The following ALDH16A1 variants were observed in gnomAD, a reference collection of about 807,000 sequenced individuals.
ALDH16A1 encodes aldehyde dehydrogenase family 16 member A1.
In ALDH16A1, 88 loss-of-function variants were observed where a neutral mutation model predicts 96.1. The ratio of observed to expected loss-of-function variants is 0.92; its 90% confidence interval spans 0.77 to 1.09. ALDH16A1 has a LOEUF of 1.09. Ranked by LOEUF, ALDH16A1 falls within the 50% of genes least tolerant of loss-of-function variation. ALDH16A1 has a pLI of 0.00. For synonymous variants in ALDH16A1, 522 were observed against 496.4 expected (o/e 1.05, Z -0.69); for missense variants, 1,250 against 1,112.6 (o/e 1.12, Z -1.76).
At position 49,466,189 on chromosome 19, in the gene ALDH16A1, C is replaced by CGGA; in HGVS notation, c.1846_1848dup (p.Glu616dup). The CGGA allele has an allele frequency of 3.2e-6, 5 of 1,551,084 alleles. No homozygotes were observed. Among genetic ancestry groups the CGGA allele is most frequent in the Non-Finnish European group, 4.3e-6 (5 of 1,150,110 alleles). On this transcript the variant is annotated inframe_insertion, in exon 14 of 17. Transcript: ENST00000293350. ...GCCTCGAGGCTGGAGAGGCAGGGAG[C>CGGA]GGAGCTCAAGGCTGCGGAGGCGGAG...
At chr19:49,469,397 GCAC>G (rs947308638) in intron 16 of ALDH16A1, 6 of 156,306 alleles carry the variant, frequency 3.8e-5, no homozygotes, top group African/African-American at 1.4e-4. Flanking sequence ...CCACAGGCGT[GCAC>G]CACCATGCCC....
rs773155652 is a variant in ALDH16A1 at position 49,465,777 on chromosome 19, C to T, written c.1608C>T (p.Phe536=). 2 of 1,614,106 alleles carry T rather than the reference C, an allele frequency of 1.2e-6. No individual in the cohort carries two copies. The highest frequency in any genetic ancestry group is 8.5e-7 in the Non-Finnish European group (1 of 1,179,974). Residue 536 remains phenylalanine (F), a synonymous_variant, in exon 13 of 17, where the codon TTC becomes TTT. Transcript: ENST00000293350. ...PPYGLFVGGR[F]QAPGARSSRP... ...ATGGGCTCTTCGTTGGGGGCCGTTT[C>T]CAGGCTCCTGGGGCCCGAAGCTCCA...
intron 10 of ALDH16A1, 59 bp downstream of exon 10, chr19:49,464,322 T>C: frequency 6.3e-7 from 1 of 1,588,552 alleles, no homozygotes; most frequent in Non-Finnish European, 8.6e-7. Flanking sequence ...TTCATCTCCC[T>C]TCTCCCTGGG....
chr19:49,455,759 G>A (rs1283293658), intron 1 of ALDH16A1, among the ~76,000 whole-genome samples: 2 of 152,284 alleles, frequency 1.3e-5, no homozygotes, highest in South Asian at 2.1e-4. Flanking sequence ...CATAAAAAGT[G>A]AAGTTGAGAC....
At position 49,453,435 on chromosome 19, in the gene ALDH16A1, C is replaced by A. The variant is rs757060643; in HGVS notation, c.90+14C>A. 3 of 1,518,082 alleles carry A rather than the reference C, an allele frequency of 2.0e-6. No individual in the cohort carries two copies. Among genetic ancestry groups the A allele is most frequent in the African/African-American group, 1.4e-5 (1 of 72,786 alleles). 94.0% of individuals were successfully genotyped at this position (1,518,082 alleles called of 1,614,324 possible). On this transcript the variant is annotated intron_variant, in intron 1 of 16. Coordinates refer to ENST00000293350, the MANE Select transcript of ALDH16A1 (RefSeq NM_153329.4). The stretch of plus-strand genomic sequence containing the variant: ...GCATGCGCACTGGTGAGAGTCTGCC[C>A]GGCCGGCGCTGCTCGCTGCGTTCCC...
rs752975161 is a variant in ALDH16A1 at position 49,458,975 on chromosome 19, G to C, written c.209G>C (p.Ser70Thr). The change falls in exon 3 of 17, where the codon AGT (serine) becomes ACT (threonine). Residue 70 changes from serine to threonine, a missense_variant. By Grantham distance (58) the Ser-to-Thr change is moderately conservative (BLOSUM62 1). Coordinates refer to ENST00000293350, the MANE Select transcript of ALDH16A1 (RefSeq NM_153329.4). ...TTCTCCCCAGGAGAGAACTTGGCCA[G>C]TTGCCTGCAGGCACAGGCCGAGGAT... ...QDPITGENLA[S>T]CLQAQAEDVA... 2 of 1,613,148 alleles carry C rather than the reference G, an allele frequency of 1.2e-6. No individual in the cohort carries two copies. Among genetic ancestry groups the C allele is most frequent in the South Asian group, 2.2e-5 (2 of 91,070 alleles).
In ALDH16A1 at chr19:49,465,915, C is replaced by T; in HGVS notation, c.1736+10C>T. 1 of 1,612,402 alleles carries T rather than the reference C, an allele frequency of 6.2e-7. No homozygotes were observed. The highest frequency in any genetic ancestry group is 8.5e-7 in the Non-Finnish European group (1 of 1,179,190). On this transcript the variant is annotated intron_variant, in intron 13 of 16. Coordinates refer to ENST00000293350, the MANE Select transcript of ALDH16A1 (RefSeq NM_153329.4). ...ACCAGGCTTTCCCTGGGTAAGGGGT[C>T]ACACGGGAAAGCCCAAGGGTCATGG...
intron 12 of ALDH16A1, 48 bp downstream of exon 12, chr19:49,464,810 G>C: frequency 6.2e-7 from 1 of 1,609,606 alleles, no homozygotes; most frequent in East Asian, 2.2e-5. Context: ...GGGGAGAGGG[G>C]AATTGATGCC....
chr19:49,466,704 C>CA (rs2079202368), intron 14 of ALDH16A1, among the ~76,000 whole-genome samples: 1 of 147,328 alleles, frequency 6.8e-6, no homozygotes, highest in African/African-American at 2.5e-5. Flanking sequence ...ACTAAAAATA[C>CA]AAAAAATTAG....
In ALDH16A1 at chr19:49,466,280, G is replaced by A. The variant is rs1275111399; in HGVS notation, c.1935G>A (p.Leu645=). ...GARVQAQGHT[L]QVAGLRGPVL... ...GGGTGCAGGCCCAAGGCCACACCCTGCAGGTGAAGGGTCTGTGGGCACCTG... is the reference window on the plus strand; with the variant it reads ...GGGTGCAGGCCCAAGGCCACACCCTACAGGTGAAGGGTCTGTGGGCACCTG... The change falls in exon 14 of 17, where the codon CTG becomes CTA. Residue 645 remains leucine, a synonymous_variant. Coordinates refer to ENST00000293350, the MANE Select transcript of ALDH16A1 (RefSeq NM_153329.4). The A allele has an allele frequency of 2.1e-6, 3 of 1,450,006 alleles. No homozygotes were observed. Among genetic ancestry groups the A allele is most frequent in the Admixed American group, 5.5e-5 (2 of 36,436 alleles). The allele number at this position is 1,450,006 out of a possible 1,614,324, so 89.8% of individuals were successfully genotyped here. A position where few individuals can be genotyped will look rare whatever the true frequency, so the allele number is the denominator to read the frequency against.
In ALDH16A1 at chr19:49,470,608, G is replaced by T; in HGVS notation, c.*141G>T. On this transcript the variant is annotated 3_prime_UTR_variant, in exon 17 of 17. Transcript: ENST00000293350. ...AACCCTAGCTGTGCTTCTGCGAGAA[G>T]AAAGGGTGTAGCAACTTCTGGCAGA... 1.2e-6 allele frequency: 1 copy of T among 857,608 alleles called. No individual in the cohort carries two copies. Among genetic ancestry groups the T allele is most frequent in the Non-Finnish European group, 1.6e-6 (1 of 625,998 alleles). 53.1% of individuals were successfully genotyped at this position (857,608 alleles called of 1,614,324 possible).
rs1568651591 is a variant in ALDH16A1, at chr19:49,461,813, CAG to C, written c.759+14_759+15del. 2 of 1,608,788 alleles carry C rather than the reference CAG, an allele frequency of 1.2e-6. No individual in the cohort carries two copies. The highest frequency in any genetic ancestry group is 1.3e-5 in the African/African-American group (1 of 74,688). ...CGGAGCCCCGGAGGTACCTTCGGGA[CAG>C]GGGTCGTGGCGGAACGCGGCTGGGG... is the stretch of plus-strand genomic sequence containing the variant. On this transcript the variant is annotated intron_variant, in intron 6 of 16. Transcript: ENST00000293350.
At chr19:49,461,536 G>T (rs1483696477) in intron 5 of ALDH16A1, 83 bp from the exon 6 acceptor site, 1 of 678,790 alleles carries the variant, frequency 1.5e-6, no homozygotes, top group Non-Finnish European at 2.2e-6. Context: ...AGGGAGGAGG[G>T]GCTGGGGGTC....
intron 16 of ALDH16A1, chr19:49,469,434 G>A (rs1225795423): frequency 3.3e-5 from 5 of 153,206 alleles, no homozygotes; most frequent in Non-Finnish European, 7.3e-5. Context: ...CTTTTGCAGA[G>A]ACTGGGGTTT....
intron 16 of ALDH16A1, chr19:49,469,354 A>AC (rs2122429897): frequency 6.2e-6 from 1 of 161,568 alleles, no homozygotes; most frequent in South Asian, 1.6e-4. Flanking sequence ...GGCTCAAGCC[A>AC]CCGTCCCACC....
At position 49,470,301 on chromosome 19, in the gene ALDH16A1, C is replaced by G. The variant is rs770047018; in HGVS notation, c.2248-5C>G. 1 of 1,613,386 alleles carries G rather than the reference C, an allele frequency of 6.2e-7. No homozygotes were observed. The highest frequency in any genetic ancestry group is 8.5e-7 in the Non-Finnish European group (1 of 1,179,752). Reference sequence around the variant, plus strand: ...GTGCTTACCCCCGTCTCTTCCTCCCCTCAGGGTTCCCAGTTTGTCGAGTGG... The same window carrying G: ...GTGCTTACCCCCGTCTCTTCCTCCCGTCAGGGTTCCCAGTTTGTCGAGTGG... On this transcript the variant is annotated splice_polypyrimidine_tract_variant and splice_region_variant and intron_variant, in intron 16 of 16. Transcript: ENST00000293350.
At chr19:49,455,177 G>C (rs1223374789) in intron 1 of ALDH16A1, among the ~76,000 whole-genome samples, 2 of 150,784 alleles carry the variant, frequency 1.3e-5, no homozygotes, top group Non-Finnish European at 2.9e-5. Context: ...CAGCGCTTTG[G>C]GAGGCCGAGG....
At chr19:49,464,090 G>A in intron 9 of ALDH16A1, 37 bp from the exon 10 acceptor site, 1 of 1,597,392 alleles carries the variant, frequency 6.3e-7, no homozygotes, top group Non-Finnish European at 8.5e-7. Flanking sequence ...TGGTGGGTGG[G>A]CCCTGGAGGG....
Position 49,463,900 on chromosome 19 carries a change from C to T in ALDH16A1, c.1145C>T (p.Pro382Leu). The change falls in exon 9 of 17, where the codon CCA becomes CTA. Residue 382 changes from proline (P) to leucine (L), a missense_variant. Physicochemically the swap from Pro to Leu is moderately conservative, Grantham distance 98 (BLOSUM62 -3). Coordinates refer to ENST00000293350, the MANE Select transcript of ALDH16A1 (RefSeq NM_153329.4). Reference sequence around the variant, plus strand: ...CCTTCGGAACGCCCATTCTATCCCCCAACCTTGGTCTCCAACCTGCCCCCA... The same window carrying T: ...CCTTCGGAACGCCCATTCTATCCCCTAACCTTGGTCTCCAACCTGCCCCCA... ...DVPSERPFYP[P>L]TLVSNLPPAS... is the part of the protein sequence containing the mutation. 6.2e-7 allele frequency: 1 copy of T among 1,613,524 alleles called. No individual in the cohort carries two copies. Among genetic ancestry groups the T allele is most frequent in the South Asian group, 1.1e-5 (1 of 91,058 alleles).
Sources: gnomAD v4.1 joint callset for allele counts (sites outside exome capture counted in the v4.1 genomes callset) on GRCh38, gnomAD v4.1.1 for gene constraint, MANE v1.5 for transcripts, NCBI Gene and HGNC (gene_info 2026-07-23, HGNC 2026-07-21) for gene names.